METTL23: variants seen among roughly 807,000 people sequenced by gnomAD.
METTL23 encodes histone-arginine methyltransferase METTL23.
A neutral mutation model predicts 21.2 loss-of-function variants in METTL23; 24 were observed. The observed-to-expected ratio is 1.13, with a 90% confidence interval of 0.82 to 1.59. The LOEUF is 1.59. METTL23 is among the 40% of genes most tolerant of loss of function. The pLI, the probability that METTL23 is intolerant of heterozygous loss-of-function variation, is 0.00. For synonymous variants in METTL23, 97 were observed against 75.2 expected, an observed-to-expected ratio of 1.29 and a Z score of -1.50; for missense variants, 276 against 221.4, an observed-to-expected ratio of 1.25 and a Z score of -1.57.
In METTL23 at chr17:76,729,853, CAT is replaced by C. The variant is rs779273283; in HGVS notation, c.84+60_84+61del. On this transcript the variant is annotated intron_variant, in intron 2 of 4. Transcript: ENST00000341249. Reference sequence around the variant, plus strand: ...GTTATGTTCAGATGTGTTAAGTTGACATGTGTATATTGCTTGTTTTTAGCTTT... The same window carrying C: ...GTTATGTTCAGATGTGTTAAGTTGACGTGTATATTGCTTGTTTTTAGCTTT... 195 of 1,236,724 alleles carry C rather than the reference CAT, an allele frequency of 1.6e-4. 1 individual carries two copies. In the East Asian group the frequency reaches 3.7e-3, roughly 24 times the overall value. 76.6% of individuals were successfully genotyped at this position (1,236,724 alleles called of 1,614,324 possible). A position where few individuals can be genotyped will look rare whatever the true frequency, so the allele number is the denominator to read the frequency against.
rs376291631 is a variant in METTL23, at chr17:76,726,861, C to A, written c.-339C>A. On this transcript the variant is annotated 5_prime_UTR_variant, in exon 1 of 5. Coordinates refer to ENST00000341249, the MANE Select transcript of METTL23 (RefSeq NM_001080510.5). ...ATCACTTCCGGTCGCGCCAGCCGCC[C>A]GTTGCCAGTTCTGCGCGTGTGAGTC... 1 of 441,246 alleles carries A rather than the reference C, an allele frequency of 2.3e-6. No individual in the cohort carries two copies. Among genetic ancestry groups the A allele is most frequent in the South Asian group, 1.6e-5 (1 of 63,492 alleles). The allele number at this position is 441,246 out of a possible 1,614,324, so 27.3% of individuals were successfully genotyped here.
At chr17:76,726,264 G>C (rs550961814), upstream of METTL23, 5 of 1,467,496 alleles carry the variant, frequency 3.4e-6, no homozygotes, top group African/African-American at 5.9e-5. Flanking sequence ...CTCGGGGCGA[G>C]GGCAGCCTCG....
Position 76,729,637 on chromosome 17 carries a change from T to G in METTL23, c.-21-53T>G, listed in dbSNP as rs576796773. The G allele has an allele frequency of 1.3e-5, 16 of 1,267,904 alleles. No individual in the cohort carries two copies. In the East Asian group the frequency reaches 3.8e-4, roughly 30 times the overall value. The allele number at this position is 1,267,904 out of a possible 1,614,324, so 78.5% of individuals were successfully genotyped here. A position where few individuals can be genotyped will look rare whatever the true frequency, so the allele number is the denominator to read the frequency against. On this transcript the variant is annotated intron_variant, in intron 1 of 4. Coordinates refer to ENST00000341249, the MANE Select transcript of METTL23 (RefSeq NM_001080510.5). ...CTGACAGAAATTGCTGTATGAATGA[T>G]TCCAACTTCCAGCAGCTAAATTATT...
At chr17:76,726,533 T>G (rs1382169329), upstream of METTL23, 26 of 1,537,886 alleles carry the variant, frequency 1.7e-5, no homozygotes, top group African/African-American at 2.8e-5. Context: ...TTCCTGACAC[T>G]AACGCACCCC....
In METTL23 at chr17:76,733,798, A is replaced by T. The variant is rs1044375791; in HGVS notation, c.*112A>T. On this transcript the variant is annotated 3_prime_UTR_variant, in exon 5 of 5. Coordinates refer to ENST00000341249, the MANE Select transcript of METTL23 (RefSeq NM_001080510.5). ...AATGCAGTGGGTCTGAAGATGGTCA[A>T]GTCTGTTTGCCTTAGATTTTGATGT... 41 of 924,984 alleles carry T rather than the reference A, an allele frequency of 4.4e-5. 1 individual carries two copies. The Middle Eastern group carries it at 1.2e-3, about 28-fold the overall frequency. The allele number at this position is 924,984 out of a possible 1,614,324, so 57.3% of individuals were successfully genotyped here.
At position 76,729,804 on chromosome 17, in the gene METTL23, C is replaced by A; in HGVS notation, c.84+10C>A. 1 of 1,577,950 alleles carries A rather than the reference C, an allele frequency of 6.3e-7. No individual in the cohort carries two copies. Among genetic ancestry groups the A allele is most frequent in the South Asian group, 1.2e-5 (1 of 86,750 alleles). ...CAAGGCCATCTTAGAGGTACAAATG[C>A]CCCTGAAGTTTCCAGAGTTCTAGGT... is the stretch of plus-strand genomic sequence containing the variant. On this transcript the variant is annotated intron_variant, in intron 2 of 4. Coordinates refer to ENST00000341249, the MANE Select transcript of METTL23 (RefSeq NM_001080510.5).
upstream of METTL23, chr17:76,726,644 C>T (rs1254616898): frequency 2.1e-6 from 2 of 943,618 alleles, no homozygotes; most frequent in African/African-American, 3.4e-5. Flanking sequence ...CCAGCCACCT[C>T]CCGAGCCTCG....
intron 2 of METTL23, among the ~76,000 whole-genome samples, chr17:76,732,059 A>G (rs542248355): frequency 3.6e-4 from 55 of 152,328 alleles, no homozygotes; most frequent in African/African-American, 1.1e-3. Context: ...AGAACATGCT[A>G]ACAGAAGTGA....
intron 2 of METTL23, among the ~76,000 whole-genome samples, chr17:76,731,032 G>A (rs920318486): frequency 9.9e-5 from 15 of 152,118 alleles, no homozygotes; most frequent in African/African-American, 2.9e-4. Context: ...GGGTGAACCC[G>A]GGAGGCGGAG....
chr17:76,732,476 C>A (rs2077255181), intron 2 of METTL23, among the ~76,000 whole-genome samples: 1 of 150,784 alleles, frequency 6.6e-6, no homozygotes, highest in African/African-American at 2.5e-5. Context: ...CCAGCCTGAG[C>A]AACAAGAGCC....
upstream of METTL23, chr17:76,726,483 G>A (rs762443596): frequency 1.5e-5 from 24 of 1,587,788 alleles, no homozygotes; most frequent in Admixed American, 3.5e-5. Context: ...CATTCTGCGG[G>A]GTCGCCAGCT....
rs1555651406 is a variant in METTL23, at chr17:76,733,195, A to G, written c.302A>G (p.Asp101Gly). The change falls in exon 3 of 5, where the codon GAT (aspartate) becomes GGT (glycine). Residue 101 changes from aspartate to glycine, a missense_variant. Coordinates refer to ENST00000341249, the MANE Select transcript of METTL23 (RefSeq NM_001080510.5). ...LPPQDIILAS[D>G]VFFEPEDFED... ...CCACAAGATATTATCCTTGCATCTG[A>G]TGTGTTCTTTGAACCAGAAGGTAAG... 6.2e-7 allele frequency: 1 copy of G among 1,613,828 alleles called. No homozygotes were observed. Among genetic ancestry groups the G allele is most frequent in the Admixed American group, 1.7e-5 (1 of 59,998 alleles).
intron 2 of METTL23, chr17:76,732,558 A>G (rs1005415939): frequency 4.5e-5 from 8 of 177,156 alleles, no homozygotes; most frequent in African/African-American, 1.9e-4. Flanking sequence ...CAGGAGAATC[A>G]CTGGAACCCG....
At chr17:76,732,596 T>G in intron 2 of METTL23, 1 of 214,610 alleles carries the variant, frequency 4.7e-6, no homozygotes. Flanking sequence ...TGAGCCGATA[T>G]TGCACCACTG....
In METTL23 at chr17:76,727,048, C is replaced by T. The variant is rs1181220258; in HGVS notation, c.-152C>T. 1 of 454,946 alleles carries T rather than the reference C, an allele frequency of 2.2e-6. No homozygotes were observed. Among genetic ancestry groups the T allele is most frequent in the Non-Finnish European group, 4.4e-6 (1 of 226,158 alleles). The allele number at this position is 454,946 out of a possible 1,614,324, so 28.2% of individuals were successfully genotyped here. A position where few individuals can be genotyped will look rare whatever the true frequency, so the allele number is the denominator to read the frequency against. Reference sequence around the variant, plus strand: ...AGCCTTCCGCGGTCCCCCGCCCGCCCGGGGCCCAACGACGCCCTACTGGGC... The same window carrying T: ...AGCCTTCCGCGGTCCCCCGCCCGCCTGGGGCCCAACGACGCCCTACTGGGC... On this transcript the variant is annotated 5_prime_UTR_variant, in exon 1 of 5. Transcript: ENST00000341249.
At chr17:76,727,534 A>G (rs2076996651) in intron 1 of METTL23, among the ~76,000 whole-genome samples, 1 of 152,166 alleles carries the variant, frequency 6.6e-6, no homozygotes, top group South Asian at 2.1e-4. Flanking sequence ...CTGCCAGGAA[A>G]GTGACATTCT....
Position 76,726,897 on chromosome 17 carries a change from T to A in METTL23, c.-303T>A, listed in dbSNP as rs527382023. The A allele has an allele frequency of 2.2e-6, 1 of 451,856 alleles. No homozygotes were observed. The highest frequency in any genetic ancestry group is 7.0e-5 in the East Asian group (1 of 14,252). The allele number at this position is 451,856 out of a possible 1,614,324, so 28.0% of individuals were successfully genotyped here. A position where few individuals can be genotyped will look rare whatever the true frequency, so the allele number is the denominator to read the frequency against. On this transcript the variant is annotated 5_prime_UTR_variant, in exon 1 of 5. Coordinates refer to ENST00000341249, the MANE Select transcript of METTL23 (RefSeq NM_001080510.5). Reference sequence around the variant, plus strand: ...CTGCGCGTGTGAGTCTCTTTCGCCTTGCTCCGGGCTTTCTTCGCTCGCAGC... The same window carrying A: ...CTGCGCGTGTGAGTCTCTTTCGCCTAGCTCCGGGCTTTCTTCGCTCGCAGC...
upstream of METTL23, chr17:76,726,321 T>G: frequency 6.5e-7 from 1 of 1,544,622 alleles, no homozygotes; most frequent in Non-Finnish European, 8.7e-7. Flanking sequence ...ATGCCCGGCC[T>G]GGCCACCCCC....
chr17:76,728,493 C>T (rs1225200976), intron 1 of METTL23, among the ~76,000 whole-genome samples: 2 of 149,738 alleles, frequency 1.3e-5, no homozygotes, highest in Non-Finnish European at 2.9e-5. Context: ...TCACTGCAAC[C>T]TCCGCCTCGT....
Sources: allele counts gnomAD v4.1 joint callset (sites outside exome capture counted in the v4.1 genomes callset), GRCh38; gene constraint gnomAD v4.1.1; transcripts MANE v1.5; gene names NCBI Gene and HGNC (gene_info 2026-07-23, HGNC 2026-07-21).